The following PLXNC1 variants were observed in gnomAD, a reference collection of about 807,000 sequenced individuals.
PLXNC1 encodes the protein plexin-C1.
Under a neutral mutation model 178.2 loss-of-function variants are expected in PLXNC1, and 75 were observed. That is an observed-to-expected ratio of 0.42 (90% confidence interval 0.35 to 0.51). PLXNC1 has a LOEUF of 0.51. Among genes scored for constraint, PLXNC1 ranks in the 20% least tolerant of loss-of-function variants. The pLI is 0.02. For synonymous variants in PLXNC1, 790 were observed against 779.9 expected (o/e 1.01, Z -0.22); for missense variants, 1,503 against 1,984.4 (o/e 0.76, Z 4.61).
intron 4 of PLXNC1, among the ~76,000 whole-genome samples, chr12:94,195,829 A>G (rs1430781063): frequency 2.0e-5 from 3 of 152,344 alleles, no homozygotes; most frequent in South Asian, 2.1e-4. Context: ...AGGGTTGGGA[A>G]TAACAGAAGG....
chr12:94,219,236 C>T (rs1484678903), intron 5 of PLXNC1, among the ~76,000 whole-genome samples: 1 of 151,998 alleles, frequency 6.6e-6, no homozygotes, highest in African/African-American at 2.4e-5. Flanking sequence ...AGAAGTAGAT[C>T]AATAGATTAT....
At position 94,248,416 on chromosome 12, in the gene PLXNC1, A is replaced by G. The variant is rs1390600157; in HGVS notation, c.2778+4A>G. The G allele has an allele frequency of 1.9e-6, 3 of 1,595,032 alleles. No homozygotes were observed. The highest frequency in any genetic ancestry group is 2.6e-6 in the Non-Finnish European group (3 of 1,170,920). On this transcript the variant is annotated splice_donor_region_variant and intron_variant, in intron 14 of 30. Transcript: ENST00000258526. Reference sequence around the variant, plus strand: ...CAACTCTTCTAAGAAAGTTCGGGTAAGTGACCTGGCAGTCCCACCTGCTGT... The same window carrying G: ...CAACTCTTCTAAGAAAGTTCGGGTAGGTGACCTGGCAGTCCCACCTGCTGT...
At chr12:94,213,052 G>A (rs190542049) in intron 5 of PLXNC1, among the ~76,000 whole-genome samples, 1 of 152,322 alleles carries the variant, frequency 6.6e-6, no homozygotes, top group Admixed American at 6.5e-5. Context: ...AGTCTATCAT[G>A]GATGGACATT....
In PLXNC1 at chr12:94,301,706, A is replaced by G. The variant is rs183852486; in HGVS notation, c.4386+649A>G. Among the ~76,000 whole-genome samples the G allele has an allele frequency of 9.9e-5, 15 of 152,228 alleles. No individual in the cohort carries two copies. The East Asian group carries it at 2.9e-3, about 29-fold the overall frequency. On this transcript the variant is annotated intron_variant, in intron 28 of 30. Coordinates refer to ENST00000258526, the MANE Select transcript of PLXNC1 (RefSeq NM_005761.3). ...AGGAGTTCTTGGGCAGGACTTTAAGAGTACCTGGAATGAATGGAGACTGAT... is the reference window on the plus strand; with the variant it reads ...AGGAGTTCTTGGGCAGGACTTTAAGGGTACCTGGAATGAATGGAGACTGAT...
intron 5 of PLXNC1, among the ~76,000 whole-genome samples, chr12:94,217,491 T>A (rs1293372674): frequency 2.0e-5 from 3 of 152,224 alleles, no homozygotes; most frequent in Admixed American, 6.5e-5. Context: ...CATACCCAAC[T>A]TGACACATTT....
intron 5 of PLXNC1, among the ~76,000 whole-genome samples, chr12:94,209,941 G>A (rs1279505326): frequency 3.9e-5 from 6 of 152,190 alleles, no homozygotes; most frequent in Non-Finnish European, 7.4e-5. Context: ...CATGGAGTTT[G>A]TCGTCTTGTG....
chr12:94,241,528 C>G (rs936018017), intron 11 of PLXNC1, among the ~76,000 whole-genome samples: 1 of 152,208 alleles, frequency 6.6e-6, no homozygotes, highest in Non-Finnish European at 1.5e-5. Flanking sequence ...CACCACCCTT[C>G]CCAGCCTCTG....
chr12:94,198,537 G>T (rs943518182), intron 4 of PLXNC1, among the ~76,000 whole-genome samples: 13 of 152,132 alleles, frequency 8.5e-5, no homozygotes, highest in African/African-American at 3.1e-4. Context: ...CCCTCATGGA[G>T]TTCCCTCTAG....
chr12:94,177,209 ATATGTGTG>A (rs1378264014), intron 2 of PLXNC1, among the ~76,000 whole-genome samples: 3 of 53,054 alleles, frequency 5.7e-5, no homozygotes, highest in Non-Finnish European at 9.9e-5. Flanking sequence ...ACGTATATAT[ATATGTGTG>A]TGTATATATA....
chr12:94,293,808 G>A (rs1967615013), intron 23 of PLXNC1, among the ~76,000 whole-genome samples: 1 of 152,078 alleles, frequency 6.6e-6, no homozygotes, highest in Non-Finnish European at 1.5e-5. Flanking sequence ...TTTTTATACA[G>A]AGGGATCTCC....
At chr12:94,289,035 G>A (rs1966997235) in intron 23 of PLXNC1, among the ~76,000 whole-genome samples, 1 of 152,054 alleles carries the variant, frequency 6.6e-6, no homozygotes, top group African/African-American at 2.4e-5. Flanking sequence ...GTCAATAGGT[G>A]ACCATTTTTA....
At chr12:94,229,712 G>A (rs1964038890) in intron 9 of PLXNC1, among the ~76,000 whole-genome samples, 1 of 152,116 alleles carries the variant, frequency 6.6e-6, no homozygotes, top group South Asian at 2.1e-4. Flanking sequence ...CACCATATTT[G>A]TGAGAGTGTA....
intron 2 of PLXNC1, among the ~76,000 whole-genome samples, chr12:94,178,898 TA>T (rs1056476192): frequency 1.3e-5 from 2 of 152,190 alleles, no homozygotes; most frequent in African/African-American, 4.8e-5. Flanking sequence ...GCTTCTGTTT[TA>T]AAAAGAGCTT....
chr12:94,298,621 C>G lies in PLXNC1; in HGVS notation c.4075-11C>G. The G allele has an allele frequency of 6.3e-7, 1 of 1,576,222 alleles. No homozygotes were observed. Among genetic ancestry groups the G allele is most frequent in the Non-Finnish European group, 8.6e-7 (1 of 1,166,468 alleles). ...TTTAATCTCCCAAATCTGATGTTGT[C>G]TATCTTTCAGGTGGCAATTCATTCT... On this transcript the variant is annotated splice_polypyrimidine_tract_variant and intron_variant, in intron 26 of 30. Coordinates refer to ENST00000258526, the MANE Select transcript of PLXNC1 (RefSeq NM_005761.3).
chr12:94,188,671 G>A (rs1395676151), intron 4 of PLXNC1, among the ~76,000 whole-genome samples: 1 of 152,234 alleles, frequency 6.6e-6, no homozygotes, highest in African/African-American at 2.4e-5. Context: ...TGTCTGCACT[G>A]TTGGGAAAAT....
At chr12:94,229,901 T>C (rs1021088517) in intron 9 of PLXNC1, among the ~76,000 whole-genome samples, 16 of 152,250 alleles carry the variant, frequency 1.1e-4, no homozygotes, top group South Asian at 2.1e-4. Flanking sequence ...TTTGAGATAA[T>C]TGTAGATTCA....
intron 30 of PLXNC1, among the ~76,000 whole-genome samples, chr12:94,304,941 C>T (rs1968849298): frequency 6.6e-6 from 1 of 152,176 alleles, no homozygotes; most frequent in South Asian, 2.1e-4. Context: ...GGAAGCCTGG[C>T]CCCATATTTG....
At chr12:94,179,676 G>A (rs1962231903) in intron 2 of PLXNC1, among the ~76,000 whole-genome samples, 1 of 149,792 alleles carries the variant, frequency 6.7e-6, no homozygotes. Flanking sequence ...GGGAAGCAGA[G>A]GTTGCAGTGA....
chr12:94,177,752 C>T (rs1962156995), intron 2 of PLXNC1, among the ~76,000 whole-genome samples: 3 of 152,276 alleles, frequency 2.0e-5, no homozygotes, highest in Admixed American at 2.0e-4. Flanking sequence ...ATCAATGATG[C>T]TCCAAGAGTA....
Sources: allele counts gnomAD v4.1 joint callset (sites outside exome capture counted in the v4.1 genomes callset), GRCh38; gene constraint gnomAD v4.1.1; transcripts MANE v1.5; gene names NCBI Gene and HGNC (gene_info 2026-07-23, HGNC 2026-07-21).